RYR3: variants seen among roughly 807,000 people sequenced by gnomAD.
RYR3 encodes ryanodine receptor 3.
In RYR3, 207 loss-of-function variants were observed where a neutral mutation model predicts 584.3. That is an observed-to-expected ratio of 0.35 (90% CI 0.32 to 0.40). The LOEUF is 0.40. RYR3 is among the 10% of genes least tolerant of loss of function. The pLI is 1.00. For synonymous variants in RYR3, 2,416 were observed against 2,248.5 expected (o/e 1.07, Z -2.11); for missense variants, 5,616 against 6,089.2 (o/e 0.92, Z 2.59).
chr15:33,832,523 G>A (rs931146397), intron 86 of RYR3, among the ~76,000 whole-genome samples: 1 of 151,698 alleles, frequency 6.6e-6, no homozygotes, highest in African/African-American at 2.4e-5. Flanking sequence ...GGGCGTGTTG[G>A]TGGGTGCCTG....
intron 24 of RYR3, 69 bp from the exon 25 acceptor site, chr15:33,634,517 T>G: frequency 6.5e-7 from 1 of 1,533,058 alleles, no homozygotes. Context: ...GCTGGGAATA[T>G]GTGAATAGGG....
chr15:33,729,728 G>C (rs987109064), intron 47 of RYR3, among the ~76,000 whole-genome samples: 1 of 151,970 alleles, frequency 6.6e-6, no homozygotes, highest in African/African-American at 2.4e-5. Flanking sequence ...GGTACACCAG[G>C]AGTCATAGGT....
intron 99 of RYR3, 64 bp from the exon 100 acceptor site, chr15:33,859,511 T>C: frequency 6.4e-7 from 1 of 1,574,248 alleles, no homozygotes. Flanking sequence ...ATGAATGATC[T>C]GAGCATCTTG....
chr15:33,559,412 G>A (rs2057283312), intron 10 of RYR3, among the ~76,000 whole-genome samples: 1 of 152,194 alleles, frequency 6.6e-6, no homozygotes. Context: ...CCTAGCAACA[G>A]GAGACGTGCC....
At chr15:33,820,464 T>G (rs572156621) in intron 77 of RYR3, among the ~76,000 whole-genome samples, 2 of 152,196 alleles carry the variant, frequency 1.3e-5, no homozygotes, top group South Asian at 4.1e-4. Flanking sequence ...CACCAGAACC[T>G]TACTAAGGTA....
intron 32 of RYR3, among the ~76,000 whole-genome samples, chr15:33,657,265 G>T (rs549088218): frequency 2.6e-5 from 4 of 152,190 alleles, no homozygotes; most frequent in Non-Finnish European, 5.9e-5. Flanking sequence ...TGGAGTTTGG[G>T]CAGTTTATGA....
chr15:33,762,556 C>T (rs778791182), intron 60 of RYR3, among the ~76,000 whole-genome samples: 1 of 152,138 alleles, frequency 6.6e-6, no homozygotes, highest in Non-Finnish European at 1.5e-5. Context: ...ATACAACTTA[C>T]AAGGGATATG....
intron 21 of RYR3, among the ~76,000 whole-genome samples, chr15:33,629,219 G>T (rs2061150089): frequency 6.6e-6 from 1 of 152,184 alleles, no homozygotes; most frequent in Non-Finnish European, 1.5e-5. Flanking sequence ...TGTAGTACAG[G>T]CATTCAACAA....
In RYR3 at chr15:33,738,581, C is replaced by A; in HGVS notation, c.7647C>A (p.Leu2549=). The A allele has an allele frequency of 2.5e-6, 4 of 1,613,960 alleles. No individual in the cohort carries two copies. The highest frequency in any genetic ancestry group is 3.4e-6 in the Non-Finnish European group (4 of 1,179,866). The change falls in exon 50 of 104, where the codon CTC becomes CTA. Residue 2549 remains leucine, a synonymous_variant. Coordinates refer to ENST00000634891, the MANE Select transcript of RYR3 (RefSeq NM_001036.6). ...EKLFWGIFDS[L]SHKKYDPDLF... Reference sequence around the variant, plus strand: ...TTTTCTGGGGGATTTTTGACTCGCTCTCCCATAAGGTAATGACAGTACTTT... The same window carrying A: ...TTTTCTGGGGGATTTTTGACTCGCTATCCCATAAGGTAATGACAGTACTTT...
chr15:33,422,475 A>G (rs1374482470), intron 1 of RYR3, among the ~76,000 whole-genome samples: 1 of 152,192 alleles, frequency 6.6e-6, no homozygotes, highest in Non-Finnish European at 1.5e-5. Context: ...AGGAATTGGA[A>G]TATTGTGATT....
chr15:33,820,170 C>G (rs1427278604), intron 77 of RYR3, among the ~76,000 whole-genome samples: 1 of 152,178 alleles, frequency 6.6e-6, no homozygotes, highest in African/African-American at 2.4e-5. Context: ...AGAGAGAGCT[C>G]CCGGTGCTCT....
chr15:33,859,446 C>G, intron 99 of RYR3, 129 bp from the exon 100 acceptor site: 1 of 909,982 alleles, frequency 1.1e-6, no homozygotes. Flanking sequence ...AATACTGGCA[C>G]CTCTGAAGAG....
intron 55 of RYR3, among the ~76,000 whole-genome samples, chr15:33,749,517 A>T (rs10519869): frequency 0.066 from 9,992 of 152,212 alleles, 947 homozygotes; most frequent in African/African-American, 0.21. Context: ...ACAAAGATGG[A>T]TTCTACTAGA....
chr15:33,863,822 C>A (rs1889422922), intron 102 of RYR3, among the ~76,000 whole-genome samples: 2 of 152,046 alleles, frequency 1.3e-5, no homozygotes, highest in African/African-American at 2.4e-5. Context: ...TTTGGGCTAC[C>A]ATTTTATTGT....
intron 1 of RYR3, among the ~76,000 whole-genome samples, chr15:33,466,803 C>T (rs930302): frequency 0.59 from 88,997 of 152,036 alleles, 26,345 homozygotes; most frequent in African/African-American, 0.69. Context: ...GATTCTTTCA[C>T]TGAATTCACA....
At chr15:33,677,702 T>C (rs2064280796) in intron 38 of RYR3, among the ~76,000 whole-genome samples, 1 of 152,144 alleles carries the variant, frequency 6.6e-6, no homozygotes, top group Non-Finnish European at 1.5e-5. Context: ...GTTCTGGGAG[T>C]GAAGCATTTT....
chr15:33,814,937 G>T (rs1193201103), intron 74 of RYR3, among the ~76,000 whole-genome samples: 3 of 149,518 alleles, frequency 2.0e-5, no homozygotes, highest in African/African-American at 7.4e-5. Flanking sequence ...AGGTGTGGTG[G>T]CAGGAGCCTA....
At position 33,652,792 on chromosome 15, in the gene RYR3, A is replaced by G. The variant is rs2062563943; in HGVS notation, c.4217A>G (p.Asn1406Ser). 3 of 1,613,954 alleles carry G rather than the reference A, an allele frequency of 1.9e-6. No individual in the cohort carries two copies. The East Asian group carries it at 6.7e-5, about 36-fold the overall frequency. ...AGTTCCCAGAGATCAAATCGGAGCA[A>G]CGTGGACCTGGAGATCGGCTGTCTC... ...VASSQRSNRS[N>S]VDLEIGCLVD... is the part of the protein sequence containing the mutation. Residue 1406 changes from asparagine to serine, a missense_variant, in exon 32 of 104, where the codon AAC (asparagine) becomes AGC (serine). Asn to Ser is a conservative substitution (Grantham distance 46). Transcript: ENST00000634891.
intron 19 of RYR3, among the ~76,000 whole-genome samples, chr15:33,617,164 C>T (rs1017392602): frequency 9.9e-5 from 15 of 152,180 alleles, no homozygotes; most frequent in Non-Finnish European, 1.9e-4. Context: ...CCCGTAATCT[C>T]AGCACTTTGG....
Sources: gnomAD v4.1 joint callset for allele counts (sites outside exome capture counted in the v4.1 genomes callset) on GRCh38, gnomAD v4.1.1 for gene constraint, MANE v1.5 for transcripts, NCBI Gene and HGNC (gene_info 2026-07-23, HGNC 2026-07-21) for gene names.